Variants in GPC6 observed in about 807,000 individuals in gnomAD.
GPC6 encodes the protein glypican-6.
In GPC6, 14 loss-of-function variants were observed where a neutral mutation model predicts 55.2. The observed-to-expected ratio is 0.25, with a 90% CI of 0.17 to 0.40. The LOEUF is 0.40. Among genes scored for constraint, GPC6 ranks in the 10% least tolerant of loss-of-function variants. The pLI is 1.00. For missense variants in GPC6, 641 were observed against 708.5 expected (o/e 0.90, Z 1.08); for synonymous variants, 278 against 259.6 (o/e 1.07, Z -0.68).
intron 4 of GPC6, among the ~76,000 whole-genome samples, chr13:94,134,663 T>G (rs2138871385): frequency 1.3e-5 from 2 of 152,238 alleles, no homozygotes; most frequent in South Asian, 4.1e-4. Context: ...AAATAACCCT[T>G]AGAGAAAAAA....
intron 6 of GPC6, among the ~76,000 whole-genome samples, chr13:94,352,849 C>A (rs1261384652): frequency 6.6e-6 from 1 of 152,172 alleles, no homozygotes; most frequent in African/African-American, 2.4e-5. Flanking sequence ...CATGGTGGGG[C>A]AACCTTCAAG....
chr13:93,377,675 T>G (rs34075822), intron 1 of GPC6, among the ~76,000 whole-genome samples: 37 of 152,230 alleles, frequency 2.4e-4, no homozygotes, highest in Non-Finnish European at 4.4e-4. Context: ...TTGATGCAAA[T>G]AAATTCTTTC....
intron 2 of GPC6, among the ~76,000 whole-genome samples, chr13:93,607,388 G>C (rs1055560599): frequency 6.6e-6 from 1 of 152,188 alleles, no homozygotes; most frequent in Admixed American, 6.5e-5. Flanking sequence ...TCTGGGGGTG[G>C]TGCAGCAGCA....
chr13:93,494,374 TG>T (rs1179321077), intron 1 of GPC6, among the ~76,000 whole-genome samples: 1 of 148,018 alleles, frequency 6.8e-6, no homozygotes, highest in East Asian at 2.0e-4. Flanking sequence ...TCCATTTGCT[TG>T]GTAGATCTTC....
In GPC6 at chr13:94,138,021, G is replaced by A. The variant is rs373806412; in HGVS notation, c.877+110127G>A. On this transcript the variant is annotated intron_variant, in intron 4 of 8. Coordinates refer to ENST00000377047, the MANE Select transcript of GPC6 (RefSeq NM_005708.5). ...AAATCCTCCTTTCCATATTTAAGAG[G>A]CATTCTTGAGACCTAATTGTATAGT... Among the ~76,000 whole-genome samples the A allele has an allele frequency of 3.9e-5, 6 of 152,238 alleles. No individual in the cohort carries two copies. In the East Asian group the frequency reaches 7.7e-4, roughly 20 times the overall value.
At chr13:93,465,721 A>G (rs1408024113) in intron 1 of GPC6, among the ~76,000 whole-genome samples, 1 of 152,128 alleles carries the variant, frequency 6.6e-6, no homozygotes, top group Non-Finnish European at 1.5e-5. Flanking sequence ...AACACTTTTA[A>G]TTTTCTTCAA....
intron 5 of GPC6, among the ~76,000 whole-genome samples, chr13:94,288,817 A>AGT (rs1874710339): frequency 1.7e-5 from 1 of 59,710 alleles, no homozygotes; most frequent in African/African-American, 1.2e-4. Context: ...TATATATAAT[A>AGT]AATATATATA....
intron 2 of GPC6, among the ~76,000 whole-genome samples, chr13:93,816,624 G>GT (rs202241607): frequency 1.1e-4 from 15 of 133,862 alleles, no homozygotes; most frequent in Non-Finnish European, 1.5e-4. Context: ...AATAATATTT[G>GT]TTTTTTTTTC....
chr13:94,394,299 A>T (rs1880800009), intron 7 of GPC6, among the ~76,000 whole-genome samples: 2 of 152,248 alleles, frequency 1.3e-5, no homozygotes, highest in Non-Finnish European at 2.9e-5. Context: ...GCAAACCATG[A>T]CATCCCTGCT....
At chr13:93,320,657 A>T (rs1879407978) in intron 1 of GPC6, among the ~76,000 whole-genome samples, 1 of 151,794 alleles carries the variant, frequency 6.6e-6, no homozygotes, top group Admixed American at 6.6e-5. Context: ...ATACACACAC[A>T]CTCTATTATG....
chr13:94,209,586 G>A (rs372255696), intron 4 of GPC6, among the ~76,000 whole-genome samples: 5 of 151,874 alleles, frequency 3.3e-5, no homozygotes, highest in South Asian at 2.1e-4. Context: ...ATTTGAAAAC[G>A]GCAGAAGAAG....
intron 6 of GPC6, among the ~76,000 whole-genome samples, chr13:94,326,010 C>T (rs1045101611): frequency 6.6e-6 from 1 of 152,168 alleles, no homozygotes; most frequent in Non-Finnish European, 1.5e-5. Context: ...CAGGGACAAG[C>T]AATTCCAAAC....
intron 3 of GPC6, among the ~76,000 whole-genome samples, chr13:93,878,292 G>T (rs181988163): frequency 1.8e-4 from 28 of 152,174 alleles, no homozygotes; most frequent in Admixed American, 3.9e-4. Flanking sequence ...CCTCATGGAT[G>T]AGATTATAAA....
At chr13:93,297,664 A>G (rs1433756775) in intron 1 of GPC6, among the ~76,000 whole-genome samples, 1 of 150,602 alleles carries the variant, frequency 6.6e-6, no homozygotes, top group African/African-American at 2.4e-5. Context: ...GATTTTCCCC[A>G]CCCTCCCCCC....
At chr13:93,908,569 T>G (rs563389570) in intron 3 of GPC6, among the ~76,000 whole-genome samples, 43 of 152,328 alleles carry the variant, frequency 2.8e-4, no homozygotes, top group East Asian at 1.9e-3. Flanking sequence ...ATGACTTAGA[T>G]GGTGATCCTA....
chr13:94,267,035 T>C (rs955702725), intron 4 of GPC6, among the ~76,000 whole-genome samples: 2 of 152,200 alleles, frequency 1.3e-5, no homozygotes, highest in Non-Finnish European at 2.9e-5. Context: ...TTCTAAATTT[T>C]TTACACTATG....
At chr13:94,326,964 T>A (rs1317104250) in intron 6 of GPC6, among the ~76,000 whole-genome samples, 1 of 152,174 alleles carries the variant, frequency 6.6e-6, no homozygotes, top group East Asian at 1.9e-4. Context: ...TACCTCCAGC[T>A]CCCCCACTGG....
intron 6 of GPC6, among the ~76,000 whole-genome samples, chr13:94,322,375 C>T (rs1331467002): frequency 2.6e-5 from 4 of 152,146 alleles, no homozygotes; most frequent in South Asian, 2.1e-4. Context: ...TGAAAGCAGA[C>T]GACTACACCT....
At chr13:93,761,335 T>G (rs1382402831) in intron 2 of GPC6, among the ~76,000 whole-genome samples, 1 of 152,200 alleles carries the variant, frequency 6.6e-6, no homozygotes, top group Non-Finnish European at 1.5e-5. Context: ...AGTTTCAAAG[T>G]TAGTTTTTTA....
Sources: gnomAD v4.1 joint callset for allele counts (sites outside exome capture counted in the v4.1 genomes callset) on GRCh38, gnomAD v4.1.1 for gene constraint, MANE v1.5 for transcripts, NCBI Gene and HGNC (gene_info 2026-07-23, HGNC 2026-07-21) for gene names.